LDAH: variants seen among roughly 807,000 people sequenced by gnomAD.
LDAH encodes lipid droplet associated hydrolase.
A neutral mutation model predicts 29.6 loss-of-function variants in LDAH; 26 were observed. The observed-to-expected ratio is 0.88, with a 90% CI of 0.64 to 1.22. The LOEUF (loss-of-function observed/expected upper bound fraction) is 1.22. LDAH is among the 50% of genes most tolerant of loss of function. The pLI is 0.00. For synonymous variants in LDAH, 117 were observed against 133.0 expected (o/e 0.88, Z 0.83); for missense variants, 344 against 387.3 (o/e 0.89, Z 0.94).
At chr2:20,738,519 T>G (rs902306638) in intron 5 of LDAH, among the ~76,000 whole-genome samples, 1 of 152,036 alleles carries the variant, frequency 6.6e-6, no homozygotes, top group Non-Finnish European at 1.5e-5. Context: ...CTGAATTCTT[T>G]CTTGCGCGAG....
chr2:20,786,888 T>A (rs1299116089), intron 3 of LDAH, among the ~76,000 whole-genome samples: 15 of 152,204 alleles, frequency 9.9e-5, no homozygotes, highest in Non-Finnish European at 1.5e-5. Context: ...CCTTGGAAAG[T>A]AAGCCATGTT....
chr2:20,781,755 C>A (rs1195659257), intron 3 of LDAH, among the ~76,000 whole-genome samples: 1 of 152,150 alleles, frequency 6.6e-6, no homozygotes, highest in Non-Finnish European at 1.5e-5. Flanking sequence ...AGTTAATAAC[C>A]TAGTAGGTTG....
intron 3 of LDAH, among the ~76,000 whole-genome samples, chr2:20,780,674 G>C (rs1670133843): frequency 6.6e-6 from 1 of 152,158 alleles, no homozygotes; most frequent in Admixed American, 6.5e-5. Context: ...CGCACAATCT[G>C]GTCTGTGTTA....
At chr2:20,810,300 T>C (rs758740818) in intron 1 of LDAH, among the ~76,000 whole-genome samples, 13 of 152,232 alleles carry the variant, frequency 8.5e-5, no homozygotes, top group South Asian at 8.3e-4. Context: ...CAATATGGGC[T>C]ACTTAAGCTT....
intron 4 of LDAH, among the ~76,000 whole-genome samples, chr2:20,743,853 C>T (rs1049757317): frequency 6.6e-6 from 1 of 150,696 alleles, no homozygotes; most frequent in Non-Finnish European, 1.5e-5. Flanking sequence ...ATATGTTTCA[C>T]CTTTTGTAGT....
At chr2:20,804,513 C>T (rs570015218) in intron 1 of LDAH, among the ~76,000 whole-genome samples, 12 of 151,934 alleles carry the variant, frequency 7.9e-5, no homozygotes, top group East Asian at 1.9e-4. Flanking sequence ...ATATATGACT[C>T]GATATTAAGG....
intron 5 of LDAH, among the ~76,000 whole-genome samples, chr2:20,716,852 AT>A (rs1015827438): frequency 1.1e-5 from 1 of 92,986 alleles, no homozygotes; most frequent in African/African-American, 3.1e-5. Context: ...TCGGAATTGG[AT>A]TTTTTTTTCC....
intron 1 of LDAH, among the ~76,000 whole-genome samples, chr2:20,819,229 G>A (rs1021179565): frequency 4.6e-5 from 7 of 151,794 alleles, no homozygotes; most frequent in Admixed American, 3.9e-4. Flanking sequence ...TTTTTTTAAT[G>A]TACCAGAGAG....
chr2:20,760,700 C>T (rs1320904779), intron 4 of LDAH, among the ~76,000 whole-genome samples: 1 of 152,206 alleles, frequency 6.6e-6, no homozygotes, highest in Admixed American at 6.5e-5. Context: ...ACATAGACAA[C>T]CCACAACATG....
rs1002142246 is a variant in LDAH at position 20,741,671 on chromosome 2, C to T, written c.469-1466G>A. Reference sequence around the variant, plus strand: ...CTCTAGTAACCACCATTCTACTCCCCACTTTATAAGTTCTGTTGTTTCAGA... The same window carrying T: ...CTCTAGTAACCACCATTCTACTCCCTACTTTATAAGTTCTGTTGTTTCAGA... On this transcript the variant is annotated intron_variant, in intron 4 of 6. Coordinates refer to ENST00000237822, the MANE Select transcript of LDAH (RefSeq NM_021925.4). Among the ~76,000 whole-genome samples the T allele has an allele frequency of 2.6e-5, 4 of 152,316 alleles. 1 individual carries two copies. Among genetic ancestry groups the T allele is most frequent in the African/African-American group, 9.6e-5 (4 of 41,586 alleles).
intron 1 of LDAH, among the ~76,000 whole-genome samples, chr2:20,802,184 T>C (rs533205650): frequency 6.8e-4 from 104 of 151,916 alleles, no homozygotes; most frequent in Non-Finnish European, 1.2e-3. Flanking sequence ...CTCAGCCTCC[T>C]GAGTAGCTGG....
intron 6 of LDAH, among the ~76,000 whole-genome samples, chr2:20,695,030 G>A (rs1663334178): frequency 6.6e-6 from 1 of 152,250 alleles, no homozygotes; most frequent in Non-Finnish European, 1.5e-5. Context: ...CCCTGGATCT[G>A]TGCCCCAAGA....
intron 3 of LDAH, among the ~76,000 whole-genome samples, chr2:20,783,339 C>A (rs541410973): frequency 6.6e-6 from 1 of 152,274 alleles, no homozygotes; most frequent in African/African-American, 2.4e-5. Flanking sequence ...ACTGAAGGTG[C>A]AATTCAGTTC....
At chr2:20,742,326 G>A (rs1667238570) in intron 4 of LDAH, among the ~76,000 whole-genome samples, 3 of 152,178 alleles carry the variant, frequency 2.0e-5, no homozygotes, top group Admixed American at 1.3e-4. Context: ...GATTGATGGT[G>A]TTGTTGAATT....
At position 20,762,413 on chromosome 2, in the gene LDAH, C is replaced by G. The variant is rs192561212; in HGVS notation, c.468+12397G>C. Among the ~76,000 whole-genome samples the G allele has an allele frequency of 6.6e-5, 10 of 152,184 alleles. 1 individual carries two copies. ...CCAATACATCCTTTACCCCTAACCA[C>G]CAGAGAAAACTACTATAAGCCACCT... On this transcript the variant is annotated intron_variant, in intron 4 of 6. Coordinates refer to ENST00000237822, the MANE Select transcript of LDAH (RefSeq NM_021925.4).
chr2:20,787,700 A>G (rs1478847084), intron 3 of LDAH, among the ~76,000 whole-genome samples: 1 of 152,212 alleles, frequency 6.6e-6, no homozygotes, highest in Non-Finnish European at 1.5e-5. Flanking sequence ...TCTATGCTAA[A>G]TATTTTCTTA....
chr2:20,813,588 C>G (rs1176513651), intron 1 of LDAH, among the ~76,000 whole-genome samples: 1 of 152,142 alleles, frequency 6.6e-6, no homozygotes, highest in Non-Finnish European at 1.5e-5. Context: ...TCTACCAGTG[C>G]TTTTGTTTTT....
chr2:20,691,308 G>A (rs1397673911), intron 6 of LDAH, among the ~76,000 whole-genome samples: 1 of 152,050 alleles, frequency 6.6e-6, no homozygotes, highest in Non-Finnish European at 1.5e-5. Context: ...CAGGGTAGCT[G>A]GAATCACAAG....
intron 5 of LDAH, among the ~76,000 whole-genome samples, chr2:20,732,907 C>T (rs995669631): frequency 2.7e-5 from 4 of 150,220 alleles, no homozygotes; most frequent in Non-Finnish European, 5.9e-5. Context: ...CTCACTATGT[C>T]GCCTAGGCTG....
Sources: gnomAD v4.1 joint callset for allele counts (sites outside exome capture counted in the v4.1 genomes callset) on GRCh38, gnomAD v4.1.1 for gene constraint, MANE v1.5 for transcripts, NCBI Gene and HGNC (gene_info 2026-07-23, HGNC 2026-07-21) for gene names.